PPDPFL: variants seen among roughly 807,000 people sequenced by gnomAD.
PPDPFL encodes the protein pancreatic progenitor cell differentiation and proliferation factor-like protein.
Under a neutral mutation model 12.6 loss-of-function variants are expected in PPDPFL, and 12 were observed. The ratio of observed to expected loss-of-function variants is 0.95; its 90% CI spans 0.61 to 1.54. The LOEUF is 1.54. Ranked by LOEUF, PPDPFL falls within the 40% of genes most tolerant of loss-of-function variation. The pLI is 0.00. For missense variants in PPDPFL, 114 were observed against 96.0 expected (o/e 1.19, Z -0.78); for synonymous variants, 24 against 32.7 (o/e 0.73, Z 0.91).
chr8:49,071,474 G>T (rs535602736), upstream of PPDPFL, among the ~76,000 whole-genome samples: 19 of 152,196 alleles, frequency 1.2e-4, no homozygotes, highest in African/African-American at 3.9e-4. Context: ...TGGCTAACAC[G>T]GTGAAACCCC....
chr8:49,054,747 C>T (rs1005292710), intron 1 of PPDPFL, among the ~76,000 whole-genome samples: 3 of 152,034 alleles, frequency 2.0e-5, no homozygotes, highest in African/African-American at 7.2e-5. Flanking sequence ...TCCATCTGTT[C>T]TTAATGCACA....
upstream of PPDPFL, among the ~76,000 whole-genome samples, chr8:49,068,733 G>A (rs1288718382): frequency 6.6e-6 from 1 of 151,974 alleles, no homozygotes; most frequent in African/African-American, 2.4e-5. Context: ...AAACACTGTG[G>A]TACTCACTCA....
At chr8:49,058,158 G>C (rs996581263) in intron 1 of PPDPFL, among the ~76,000 whole-genome samples, 2 of 152,178 alleles carry the variant, frequency 1.3e-5, no homozygotes, top group African/African-American at 4.8e-5. Context: ...GTTTATGTGA[G>C]TAGCTCAAAG....
chr8:49,067,412 A>G (rs994817453), upstream of PPDPFL, among the ~76,000 whole-genome samples: 1 of 152,230 alleles, frequency 6.6e-6, no homozygotes, highest in African/African-American at 2.4e-5. Flanking sequence ...AATTCTTGAC[A>G]TCTTACATGG....
chr8:49,056,918 T>C (rs1040585655), intron 1 of PPDPFL, among the ~76,000 whole-genome samples: 1 of 152,178 alleles, frequency 6.6e-6, no homozygotes, highest in African/African-American at 2.4e-5. Flanking sequence ...CTTTGAACCA[T>C]ACCTTGCAAA....
chr8:49,060,843 T>C (rs1808189427), intron 1 of PPDPFL, among the ~76,000 whole-genome samples: 1 of 152,232 alleles, frequency 6.6e-6, no homozygotes, highest in African/African-American at 2.4e-5. Flanking sequence ...TCCCTTAGCA[T>C]ACATTTCGTG....
Position 49,075,612 on chromosome 8 carries a change from G to A in PPDPFL, c.*439G>A, listed in dbSNP as rs554341336. ...CTTAAGTTAGACTCTTTTTCTGTCT[G>A]TTGAGTGATTTATTTATTATGCCTT... On this transcript the variant is annotated 3_prime_UTR_variant, in exon 5 of 5. Coordinates refer to ENST00000522267, the MANE Select transcript of PPDPFL (RefSeq NM_001256597.2). 26 of 260,348 alleles carry A rather than the reference G, an allele frequency of 1.0e-4. No individual in the cohort carries two copies. The highest frequency in any genetic ancestry group is 1.3e-3 in the Middle Eastern group (1 of 798). The allele number at this position is 260,348 out of a possible 1,614,324, so 16.1% of individuals were successfully genotyped here.
intron 1 of PPDPFL, among the ~76,000 whole-genome samples, chr8:49,057,347 A>G (rs1808127131): frequency 6.6e-6 from 1 of 152,182 alleles, no homozygotes; most frequent in South Asian, 2.1e-4. Flanking sequence ...TAAGCACTTT[A>G]TCTCTTGTAT....
rs1474184135 is a variant in PPDPFL at position 49,074,020 on chromosome 8, C to A, written c.56-39C>A. ...TGATGCGGATTTGCTTGTCTGGTTG[C>A]CAGTTATTTATTTGTTTAATATCAT... On this transcript the variant is annotated intron_variant, in intron 2 of 4. Transcript: ENST00000522267. The A allele has an allele frequency of 2.9e-6, 4 of 1,372,676 alleles. No homozygotes were observed. In the South Asian group the frequency reaches 4.8e-5, roughly 17 times the overall value. The allele number at this position is 1,372,676 out of a possible 1,614,324, so 85.0% of individuals were successfully genotyped here.
Position 49,075,356 on chromosome 8 carries a change from G to C in PPDPFL, c.*183G>C. On this transcript the variant is annotated 3_prime_UTR_variant, in exon 5 of 5. Transcript: ENST00000522267. The stretch of plus-strand genomic sequence containing the variant: ...TTCTCCATTGTAAGAAGACAGAAAT[G>C]TGTCTGAGATCTCATTTATGAGACA... 4.1e-6 allele frequency: 5 copies of C among 1,205,180 alleles called. No individual in the cohort carries two copies. The highest frequency in any genetic ancestry group is 6.2e-6 in the Non-Finnish European group (5 of 811,388). 74.7% of individuals were successfully genotyped at this position (1,205,180 alleles called of 1,614,324 possible). A position where few individuals can be genotyped will look rare whatever the true frequency, so the allele number is the denominator to read the frequency against.
chr8:49,056,250 G>A (rs1265160107), intron 1 of PPDPFL, among the ~76,000 whole-genome samples: 1 of 152,056 alleles, frequency 6.6e-6, no homozygotes, highest in African/African-American at 2.4e-5. Flanking sequence ...ATTCTCTTCT[G>A]TTTCCAAGCA....
chr8:49,069,446 G>T (rs889243094), upstream of PPDPFL, among the ~76,000 whole-genome samples: 4 of 152,158 alleles, frequency 2.6e-5, no homozygotes, highest in African/African-American at 9.7e-5. Flanking sequence ...CAAGGCAGAA[G>T]GTTTAGAAAT....
chr8:49,074,191 T>A (rs1236302965), intron 3 of PPDPFL, 43 bp from the exon 4 acceptor site: 2 of 1,604,128 alleles, frequency 1.2e-6, no homozygotes, highest in Non-Finnish European at 1.7e-6. Context: ...ATTTTCAATC[T>A]CAAATTTGTT....
chr8:49,060,999 G>A (rs1410397026), intron 1 of PPDPFL, among the ~76,000 whole-genome samples: 1 of 151,998 alleles, frequency 6.6e-6, no homozygotes, highest in Admixed American at 6.6e-5. Context: ...ATGGAGCCCA[G>A]CGAGAGGCAG....
At chr8:49,074,644 G>A in intron 4 of PPDPFL, 1 of 1,527,258 alleles carries the variant, frequency 6.5e-7, no homozygotes, top group Non-Finnish European at 8.8e-7. Context: ...AATTTGTTTT[G>A]CTCATACCTT....
chr8:49,075,397 C>CTG lies in PPDPFL; in HGVS notation c.*225_*226dup. Reference sequence around the variant, plus strand: ...TTATGAGACAAGATCACAGCAGCCACTGATATAAAAAAAGTTTAGGCATTT... The same window carrying CTG: ...TTATGAGACAAGATCACAGCAGCCACTGTGATATAAAAAAAGTTTAGGCATTT... On this transcript the variant is annotated 3_prime_UTR_variant, in exon 5 of 5. Transcript: ENST00000522267. 2.2e-6 allele frequency: 2 copies of CTG among 924,264 alleles called. No individual in the cohort carries two copies. The highest frequency in any genetic ancestry group is 4.9e-5 in the East Asian group (2 of 40,926). The allele number at this position is 924,264 out of a possible 1,614,324, so 57.3% of individuals were successfully genotyped here. A position where few individuals can be genotyped will look rare whatever the true frequency, so the allele number is the denominator to read the frequency against.
chr8:49,060,674 G>A (rs530182675), intron 1 of PPDPFL, among the ~76,000 whole-genome samples: 8 of 151,722 alleles, frequency 5.3e-5, no homozygotes, highest in South Asian at 2.1e-4. Flanking sequence ...AAGGATCAGC[G>A]GAAAAAAATG....
chr8:49,073,974 A>C, intron 2 of PPDPFL, 85 bp from the exon 3 acceptor site: 4 of 863,578 alleles, frequency 4.6e-6, no homozygotes, highest in African/African-American at 1.7e-5. Flanking sequence ...AAACCATGCT[A>C]CTTGACAGTT....
chr8:49,054,466 A>G (rs1376624269), intron 1 of PPDPFL: 1 of 152,188 alleles, frequency 6.6e-6, no homozygotes, highest in African/African-American at 2.4e-5. Context: ...CATATAACGT[A>G]CAAAAATATT....
Sources: gnomAD v4.1 joint callset for allele counts (sites outside exome capture counted in the v4.1 genomes callset) on GRCh38, gnomAD v4.1.1 for gene constraint, MANE v1.5 for transcripts, NCBI Gene and HGNC (gene_info 2026-07-23, HGNC 2026-07-21) for gene names.